The following HROB variants were observed in gnomAD, a reference collection of about 807,000 sequenced individuals.
The protein encoded by HROB is homologous recombination OB-fold protein.
In HROB, 44 loss-of-function variants were observed where a neutral mutation model predicts 61.0. The observed-to-expected ratio is 0.72, with a 90% CI of 0.57 to 0.93. The LOEUF is 0.93. HROB is among the 40% of genes least tolerant of loss of function. The pLI is 0.00. For synonymous variants in HROB, 301 were observed against 310.4 expected, an observed-to-expected ratio of 0.97 and a Z score of 0.32; for missense variants, 716 against 796.2, an observed-to-expected ratio of 0.90 and a Z score of 1.21.
In HROB at chr17:44,148,481, G is replaced by A. The variant is rs2053686398; in HGVS notation, c.678G>A (p.Gln226=). ...ACAAAGCGGGTATCATGTCCGCCCA[G>A]GATGAGTCTCTAGATCCTGTCATCC... ...AIHKAGIMSA[Q]DESLDPVIQC... Residue 226 remains glutamine, a synonymous_variant, in exon 3 of 10, where the codon CAG becomes CAA. Coordinates refer to ENST00000585683, the MANE Select transcript of HROB (RefSeq NM_001171251.3). The A allele has an allele frequency of 6.2e-7, 1 of 1,614,104 alleles. No individual in the cohort carries two copies. The highest frequency in any genetic ancestry group is 8.5e-7 in the Non-Finnish European group (1 of 1,180,012).
At position 44,147,775 on chromosome 17, in the gene HROB, T is replaced by TA. The variant is rs1022323328; in HGVS notation, c.55-82dup. ...TCTTTCAAGTATCTACACACAAACA[T>TA]ACACGCCATGTGCCTGAACAGTAAA... On this transcript the variant is annotated intron_variant, in intron 2 of 9. Transcript: ENST00000585683. 27 of 1,332,566 alleles carry TA rather than the reference T, an allele frequency of 2.0e-5. No individual in the cohort carries two copies. The Admixed American group carries it at 2.6e-4, about 13-fold the overall frequency. The allele number at this position is 1,332,566 out of a possible 1,614,324, so 82.5% of individuals were successfully genotyped here.
intron 9 of HROB, among the ~76,000 whole-genome samples, chr17:44,158,584 G>T (rs926822476): frequency 1.3e-5 from 2 of 152,016 alleles, no homozygotes; most frequent in African/African-American, 2.4e-5. Context: ...CTAGGCTCAA[G>T]CAGTCCTCCC....
At chr17:44,150,887 A>T in intron 3 of HROB, 74 bp from the exon 4 acceptor site, 1 of 1,280,068 alleles carries the variant, frequency 7.8e-7, no homozygotes, top group Non-Finnish European at 1.1e-6. Flanking sequence ...CATTATGTAA[A>T]CCAGACAATA....
At chr17:44,143,444 C>T (rs903628987) in intron 1 of HROB, among the ~76,000 whole-genome samples, 3 of 152,044 alleles carry the variant, frequency 2.0e-5, no homozygotes, top group Non-Finnish European at 2.9e-5. Context: ...GAGTTCAAGA[C>T]CAGCCTGGCT....
In HROB at chr17:44,162,028, G is replaced by A; in HGVS notation, c.*96G>A. ...GGAGAAGAAGGCCAGCATGATTGGA[G>A]AGTGGACACAGCCGGGGGGCTTCTG... On this transcript the variant is annotated 3_prime_UTR_variant, in exon 10 of 10. Coordinates refer to ENST00000585683, the MANE Select transcript of HROB (RefSeq NM_001171251.3). The A allele has an allele frequency of 2.1e-6, 3 of 1,399,710 alleles. No homozygotes were observed. In the South Asian group the frequency reaches 3.6e-5, roughly 17 times the overall value. The allele number at this position is 1,399,710 out of a possible 1,614,324, so 86.7% of individuals were successfully genotyped here. A position where few individuals can be genotyped will look rare whatever the true frequency, so the allele number is the denominator to read the frequency against.
chr17:44,147,739 A>G (rs2143892015), intron 2 of HROB, 119 bp from the exon 3 acceptor site: 1 of 1,037,080 alleles, frequency 9.6e-7, no homozygotes. Flanking sequence ...CCCGACCCTC[A>G]TGCTTTGGTT....
intron 5 of HROB, 48 bp downstream of exon 5, chr17:44,152,825 C>G (rs1172814460): frequency 1.3e-6 from 2 of 1,596,054 alleles, no homozygotes; most frequent in Non-Finnish European, 1.7e-6. Context: ...ATTTTTCTCC[C>G]TCTCTCTGAC....
Position 44,157,516 on chromosome 17 carries a change from C to T in HROB, c.1771-317C>T, listed in dbSNP as rs181924713. Among the ~76,000 whole-genome samples, 762 of 149,598 alleles carry T rather than the reference C, an allele frequency of 5.1e-3. 4 individuals carry two copies. Among genetic ancestry groups the T allele is most frequent in the Non-Finnish European group, 7.8e-3 (530 of 67,686 alleles). On this transcript the variant is annotated intron_variant, in intron 8 of 9. Coordinates refer to ENST00000585683, the MANE Select transcript of HROB (RefSeq NM_001171251.3). The stretch of plus-strand genomic sequence containing the variant: ...GCAACCTCTGCCTCCTGGGTTCAAG[C>T]GATTCTCATGCCTCAGCCTCCCGAG...
Position 44,154,663 on chromosome 17 carries a change from G to C in HROB, c.1557G>C (p.Thr519=). 6.2e-7 allele frequency: 1 copy of C among 1,613,966 alleles called. No individual in the cohort carries two copies. Among genetic ancestry groups the C allele is most frequent in the Non-Finnish European group, 8.5e-7 (1 of 1,179,866 alleles). The change falls in exon 6 of 10, where the codon ACG becomes ACC. Residue 519 remains threonine, a splice_region_variant and synonymous_variant. Transcript: ENST00000585683. ...MDASVVFKDP[T]GEMQGTVHRL... is the part of the protein sequence containing the mutation. ...CCAGTGTGGTTTTCAAGGACCCCAC[G>C]GGTAAGGAATTAGGTCCTAGGTTGT... is the stretch of plus-strand genomic sequence containing the variant.
intron 2 of HROB, 25 bp downstream of exon 2, chr17:44,145,278 G>C: frequency 6.2e-7 from 1 of 1,613,212 alleles, no homozygotes; most frequent in Non-Finnish European, 8.5e-7. Context: ...ATGATCAGAG[G>C]TGGCAGACGA....
Position 44,150,392 on chromosome 17 carries a change from C to CT in HROB, c.1225-554dup, listed in dbSNP as rs34260212. Among the ~76,000 whole-genome samples, 976 of 142,850 alleles carry CT rather than the reference C, an allele frequency of 6.8e-3. 9 individuals carry two copies. Among genetic ancestry groups the CT allele is most frequent in the Non-Finnish European group, 0.01 (676 of 65,432 alleles). 93.7% of individuals were successfully genotyped at this position (142,850 alleles called of 152,430 possible). A position where few individuals can be genotyped will look rare whatever the true frequency, so the allele number is the denominator to read the frequency against. On this transcript the variant is annotated intron_variant, in intron 3 of 9. Coordinates refer to ENST00000585683, the MANE Select transcript of HROB (RefSeq NM_001171251.3). ...CCTCTCAATTTTTCTTTCTTTCTTT[C>CT]TTTTTTTTTTTTTTTAAGACAGAGT...
At position 44,145,262 on chromosome 17, in the gene HROB, G is replaced by C; in HGVS notation, c.54+9G>C. ...AGGAGTTTGAAGATGAGGTAGGGAAGTGTTGATGATCAGAGGTGGCAGACG... is the reference window on the plus strand; with the variant it reads ...AGGAGTTTGAAGATGAGGTAGGGAACTGTTGATGATCAGAGGTGGCAGACG... On this transcript the variant is annotated intron_variant, in intron 2 of 9. Coordinates refer to ENST00000585683, the MANE Select transcript of HROB (RefSeq NM_001171251.3). The C allele has an allele frequency of 6.2e-7, 1 of 1,613,688 alleles. No homozygotes were observed. The highest frequency in any genetic ancestry group is 1.1e-5 in the South Asian group (1 of 91,078).
intron 4 of HROB, 56 bp from the exon 5 acceptor site, chr17:44,152,580 AG>A: frequency 7.0e-6 from 11 of 1,571,756 alleles, no homozygotes; most frequent in Non-Finnish European, 8.7e-6. Flanking sequence ...TTCAATCAAG[AG>A]TCTGTAGCAA....
chr17:44,152,448 GA>G (rs1039630879), intron 4 of HROB, among the ~76,000 whole-genome samples, 188 bp from the exon 5 acceptor site: 5 of 151,276 alleles, frequency 3.3e-5, no homozygotes, highest in African/African-American at 9.7e-5. Context: ...AAGAAAAAGA[GA>G]AAAAAAAGAT....
intron 8 of HROB, among the ~76,000 whole-genome samples, chr17:44,156,665 A>AT (rs755951010): frequency 0.16 from 22,798 of 143,714 alleles, 2,447 homozygotes; most frequent in Non-Finnish European, 0.25. Flanking sequence ...ACCGGTATTT[A>AT]TTTATTTTTT....
At position 44,154,870 on chromosome 17, in the gene HROB, G is replaced by A. The variant is rs938699478; in HGVS notation, c.1576G>A (p.Val526Met). ...KDPTGEMQGT[V>M]HRLLLETCQN... ...ATTTGCAGGAGAGATGCAGGGGACG[G>A]TGCACAGGTTGCTGCTGGAGACGTG... The change falls in exon 7 of 10, where the codon GTG becomes ATG. Residue 526 changes from valine (V) to methionine (M), a missense_variant. Coordinates refer to ENST00000585683, the MANE Select transcript of HROB (RefSeq NM_001171251.3). 3 of 1,613,976 alleles carry A rather than the reference G, an allele frequency of 1.9e-6. No individual in the cohort carries two copies. The highest frequency in any genetic ancestry group is 3.3e-5 in the Admixed American group (2 of 59,996).
At chr17:44,160,046 C>T (rs981364315) in intron 9 of HROB, among the ~76,000 whole-genome samples, 2 of 152,212 alleles carry the variant, frequency 1.3e-5, no homozygotes, top group South Asian at 4.1e-4. Flanking sequence ...ACTGGCGCTA[C>T]CGCAAGACTG....
intron 4 of HROB, 77 bp downstream of exon 4, chr17:44,151,121 A>G: frequency 7.1e-7 from 1 of 1,411,854 alleles, no homozygotes; most frequent in Non-Finnish European, 9.9e-7. Context: ...GGAGTTAAGA[A>G]TCAAGAGCTG....
chr17:44,150,392 CTTT>C (rs34260212), intron 3 of HROB, among the ~76,000 whole-genome samples: 7 of 142,854 alleles, frequency 4.9e-5, no homozygotes, highest in East Asian at 2.1e-4. Flanking sequence ...TTCTTTCTTT[CTTT>C]TTTTTTTTTT....
Sources: gnomAD v4.1 joint callset for allele counts (sites outside exome capture counted in the v4.1 genomes callset) on GRCh38, gnomAD v4.1.1 for gene constraint, MANE v1.5 for transcripts, NCBI Gene and HGNC (gene_info 2026-07-23, HGNC 2026-07-21) for gene names.